The following SMOC1 variants were observed in gnomAD, a reference collection of about 807,000 sequenced individuals.
The protein encoded by SMOC1 is SPARC-related modular calcium-binding protein 1.
A neutral mutation model predicts 56.3 loss-of-function variants in SMOC1; 22 were observed. The ratio of observed to expected loss-of-function variants is 0.39; its 90% CI spans 0.28 to 0.56. SMOC1 has a LOEUF of 0.56. Ranked by LOEUF, SMOC1 falls within the 20% of genes least tolerant of loss-of-function variation. SMOC1 has a pLI of 0.61. For missense variants in SMOC1, 509 were observed against 565.4 expected (o/e 0.90, Z 1.01); for synonymous variants, 193 against 215.0 (o/e 0.90, Z 0.89).
At chr14:69,961,272 GTATATATATA>G (rs35703501) in intron 3 of SMOC1, among the ~76,000 whole-genome samples, 1,488 of 74,984 alleles carry the variant, frequency 0.02, 43 homozygotes, top group Non-Finnish European at 0.022. Context: ...ATTCTATTGT[GTATATATATA>G]TATATATATA....
intron 4 of SMOC1, among the ~76,000 whole-genome samples, chr14:69,977,182 G>A (rs894653883): frequency 6.6e-6 from 1 of 152,192 alleles, no homozygotes; most frequent in African/African-American, 2.4e-5. Flanking sequence ...CTTTTGGCGG[G>A]ACTCCACAGA....
At chr14:69,927,127 C>A (rs778414991) in intron 1 of SMOC1, among the ~76,000 whole-genome samples, 7 of 152,246 alleles carry the variant, frequency 4.6e-5, no homozygotes, top group Non-Finnish European at 8.8e-5. Flanking sequence ...AAACAACATG[C>A]CCAAGGGCAA....
rs986703473 is a variant in SMOC1, at chr14:69,953,248, G to A, written c.266-172G>A. 6.6e-5 allele frequency among the ~76,000 whole-genome samples: 10 copies of A among 152,188 alleles called. No individual in the cohort carries two copies. The East Asian group carries it at 9.6e-4, about 15-fold the overall frequency. On this transcript the variant is annotated intron_variant, in intron 2 of 11. Coordinates refer to ENST00000361956, the MANE Select transcript of SMOC1 (RefSeq NM_001034852.3). ...CTCTGCTTTTCTATGAATGACATAC[G>A]GGGAAGGGGGGCTGTGCAGCAGTTA... is the stretch of plus-strand genomic sequence containing the variant.
rs1181727499 is a variant in SMOC1, at chr14:70,023,402, A to G, written c.1246A>G (p.Ile416Val). The G allele has an allele frequency of 1.2e-6, 2 of 1,614,096 alleles. No homozygotes were observed. Reference protein sequence around the residue: ...DYCDLNKDKVISLPELKGCLG... With the variant: ...DYCDLNKDKVVSLPELKGCLG... The stretch of plus-strand genomic sequence containing the variant: ...CTGTGACCTGAACAAAGACAAGGTC[A>G]TTTCACTGCCTGAGCTGAAGGGCTG... Residue 416 changes from isoleucine (I) to valine (V), a missense_variant, in exon 11 of 12, where the codon ATT becomes GTT. Around this residue, in one of 3 missense-constraint regions of SMOC1, gnomAD observed 176 missense variants for 188.1 expected, o/e 0.94. Transcript: ENST00000361956.
At chr14:69,914,577 G>GAAACAAACAAAC (rs35586375) in intron 1 of SMOC1, among the ~76,000 whole-genome samples, 19 of 151,276 alleles carry the variant, frequency 1.3e-4, no homozygotes, top group African/African-American at 4.1e-4. Context: ...CAGTAGGAAG[G>GAAACAAACAAAC]AAACAAACAA....
intron 10 of SMOC1, among the ~76,000 whole-genome samples, chr14:70,019,129 G>A (rs227406): frequency 0.012 from 1,818 of 152,366 alleles, 32 homozygotes; most frequent in African/African-American, 0.041. Context: ...TGCTGTGGGA[G>A]AAGTGTAGCC....
At chr14:69,881,423 C>CTATA (rs1883634893) in intron 1 of SMOC1, among the ~76,000 whole-genome samples, 1 of 121,874 alleles carries the variant, frequency 8.2e-6, no homozygotes, top group East Asian at 4.3e-4. Flanking sequence ...GAGTCTCAAG[C>CTATA]CATATGGCTC....
chr14:69,980,056 G>A (rs764998396), intron 5 of SMOC1, among the ~76,000 whole-genome samples: 1 of 151,718 alleles, frequency 6.6e-6, no homozygotes, highest in Admixed American at 6.6e-5. Flanking sequence ...CACTGGTCCA[G>A]CTGGAAGTGG....
At chr14:70,019,111 A>C (rs2139606676) in intron 10 of SMOC1, among the ~76,000 whole-genome samples, 1 of 152,334 alleles carries the variant, frequency 6.6e-6, no homozygotes, top group South Asian at 2.1e-4. Context: ...CAGAAGCAAA[A>C]CTGAAAGTGC....
In SMOC1 at chr14:69,920,047, T is replaced by C. The variant is rs374383368; in HGVS notation, c.100-32091T>C. ...ATGCTCTCTCTCCTTGGCAGTTGCCTAGGCTGTTGCTATGGACTGGATTTA... is the reference window on the plus strand; with the variant it reads ...ATGCTCTCTCTCCTTGGCAGTTGCCCAGGCTGTTGCTATGGACTGGATTTA... On this transcript the variant is annotated intron_variant, in intron 1 of 11. Coordinates refer to ENST00000361956, the MANE Select transcript of SMOC1 (RefSeq NM_001034852.3). 3.9e-5 allele frequency among the ~76,000 whole-genome samples: 6 copies of C among 152,104 alleles called. 1 individual carries two copies. The highest frequency in any genetic ancestry group is 1.2e-4 in the African/African-American group (5 of 41,484).
intron 1 of SMOC1, among the ~76,000 whole-genome samples, chr14:69,904,395 G>A (rs1884351610): frequency 6.6e-6 from 1 of 152,204 alleles, no homozygotes; most frequent in Admixed American, 6.5e-5. Context: ...TCTTGCTCAT[G>A]TTTGTGTAAC....
chr14:69,905,383 G>A (rs1391777005), intron 1 of SMOC1, among the ~76,000 whole-genome samples: 1 of 152,194 alleles, frequency 6.6e-6, no homozygotes, highest in Non-Finnish European at 1.5e-5. Flanking sequence ...GGTTGATTGT[G>A]AGGGAATAGA....
chr14:69,952,597 T>C (rs544630188), intron 2 of SMOC1, among the ~76,000 whole-genome samples: 2 of 152,362 alleles, frequency 1.3e-5, no homozygotes, highest in Non-Finnish European at 2.9e-5. Flanking sequence ...AAGACATTAT[T>C]GCTGGCTCCT....
chr14:70,027,029 CT>C, intron 11 of SMOC1, among the ~76,000 whole-genome samples: 1 of 152,144 alleles, frequency 6.6e-6, no homozygotes, highest in African/African-American at 2.4e-5. Context: ...GAAGTGGAGG[CT>C]GAGTAGACTT....
chr14:69,940,682 G>A (rs1882520302), intron 1 of SMOC1, among the ~76,000 whole-genome samples: 1 of 152,170 alleles, frequency 6.6e-6, no homozygotes, highest in Non-Finnish European at 1.5e-5. Flanking sequence ...TGATCTCTTG[G>A]ATGCACCCCA....
In SMOC1 at chr14:70,023,448, G is replaced by T. The variant is rs779841620; in HGVS notation, c.1291+1G>T. The T allele has an allele frequency of 6.2e-7, 1 of 1,613,886 alleles. No homozygotes were observed. Among genetic ancestry groups the T allele is most frequent in the Non-Finnish European group, 8.5e-7 (1 of 1,180,028 alleles). ...GGCTGCCTGGGTGTTAGCAAAGAAG[G>T]TGAGTGCTCTCCCCTGTGCTCCTGG... On this transcript the variant is annotated splice_donor_variant, in intron 11 of 11. Transcript: ENST00000361956. LOFTEE classifies it high-confidence loss of function.
At chr14:69,978,399 C>T (rs1427996410) in intron 5 of SMOC1, among the ~76,000 whole-genome samples, 1 of 152,198 alleles carries the variant, frequency 6.6e-6, no homozygotes, top group Non-Finnish European at 1.5e-5. Flanking sequence ...ATAATTGTCC[C>T]AGCACATCCA....
At chr14:69,902,327 AG>A (rs1285651308) in intron 1 of SMOC1, among the ~76,000 whole-genome samples, 1 of 152,250 alleles carries the variant, frequency 6.6e-6, no homozygotes, top group Non-Finnish European at 1.5e-5. Context: ...CTCTGCTAAA[AG>A]CTTCCTTAAA....
At chr14:69,996,345 C>T (rs939133260) in intron 7 of SMOC1, among the ~76,000 whole-genome samples, 1 of 152,202 alleles carries the variant, frequency 6.6e-6, no homozygotes, top group Non-Finnish European at 1.5e-5. Flanking sequence ...TTCTTGTCTC[C>T]ATCTTGCAGA....
Sources: allele counts gnomAD v4.1 joint callset (sites outside exome capture counted in the v4.1 genomes callset), GRCh38; gene constraint gnomAD v4.1.1; regional missense constraint gnomAD v4.1.1; transcripts MANE v1.5; gene names NCBI Gene and HGNC (gene_info 2026-07-23, HGNC 2026-07-21).